DIS3L2: variants seen among roughly 807,000 people sequenced by gnomAD.
The protein encoded by DIS3L2 is DIS3 like 3'-5' exoribonuclease 2, also known as DIS3-like exonuclease 2.
DIS3L2 carries 34 observed loss-of-function variants against 97.5 expected under a neutral mutation model. The ratio of observed to expected loss-of-function variants is 0.35; its 90% confidence interval spans 0.27 to 0.46. The LOEUF is 0.46. DIS3L2 is among the 20% of genes least tolerant of loss of function. DIS3L2 has a pLI of 1.00. For synonymous variants in DIS3L2, 435 were observed against 445.2 expected, an observed-to-expected ratio of 0.98 and a Z score of 0.29; for missense variants, 1,038 against 1,146.0, an observed-to-expected ratio of 0.91 and a Z score of 1.36.
chr2:232,163,337 T>C, intron 8 of DIS3L2, 122 bp from the exon 9 acceptor site: 1 of 915,824 alleles, frequency 1.1e-6, no homozygotes, highest in Non-Finnish European at 1.6e-6. Context: ...ATGATCATGT[T>C]TCTACTGGTG....
chr2:232,076,262 AT>A (rs1385375809), intron 5 of DIS3L2, among the ~76,000 whole-genome samples: 4 of 151,834 alleles, frequency 2.6e-5, no homozygotes, highest in Non-Finnish European at 2.9e-5. Flanking sequence ...CCTCTTTTTC[AT>A]GTGTACCTGT....
At chr2:232,327,518 T>C (rs1190260496) in intron 14 of DIS3L2, among the ~76,000 whole-genome samples, 1 of 152,220 alleles carries the variant, frequency 6.6e-6, no homozygotes, top group Non-Finnish European at 1.5e-5. Flanking sequence ...GCATCTGAAG[T>C]ATTTCCGTGC....
rs755784146 is a variant in DIS3L2, at chr2:232,086,601, ATG to A, written c.367-874_367-873del. On this transcript the variant is annotated intron_variant, in intron 5 of 20. Coordinates refer to ENST00000325385, the MANE Select transcript of DIS3L2 (RefSeq NM_152383.5). ...TGAGCCTTTAAATATATATATATAT[ATG>A]TGTGTGTGTGTATATATATATATAT... 3.8e-3 allele frequency among the ~76,000 whole-genome samples: 434 copies of A among 115,204 alleles called. 28 individuals are homozygous for A. The highest frequency in any genetic ancestry group is 5.6e-3 in the Non-Finnish European group (323 of 57,248). 75.6% of individuals were successfully genotyped at this position (115,204 alleles called of 152,430 possible).
At chr2:232,170,156 C>T (rs998924532) in intron 9 of DIS3L2, among the ~76,000 whole-genome samples, 6 of 152,104 alleles carry the variant, frequency 3.9e-5, no homozygotes, top group Admixed American at 3.9e-4. Context: ...GATAATATGT[C>T]CAAGGAAACT....
At chr2:232,148,342 C>G (rs1011030069) in intron 8 of DIS3L2, among the ~76,000 whole-genome samples, 1 of 152,068 alleles carries the variant, frequency 6.6e-6, no homozygotes, top group Non-Finnish European at 1.5e-5. Context: ...CCACCGCACC[C>G]GGCCAAGATA....
chr2:232,315,081 A>G (rs1695232510), intron 14 of DIS3L2, among the ~76,000 whole-genome samples: 1 of 152,020 alleles, frequency 6.6e-6, no homozygotes, highest in Non-Finnish European at 1.5e-5. Flanking sequence ...CGGTCTTTAA[A>G]CCCAAGGAGG....
intron 9 of DIS3L2, among the ~76,000 whole-genome samples, chr2:232,195,157 A>G (rs190119196): frequency 9.2e-5 from 14 of 152,308 alleles, no homozygotes; most frequent in African/African-American, 3.1e-4. Flanking sequence ...GGACATTCAT[A>G]CTTTCTTCTG....
chr2:232,261,102 C>T lies in DIS3L2; in HGVS notation c.1426-2105C>T, dbSNP rs11693930. Among the ~76,000 whole-genome samples the T allele has an allele frequency of 2.8e-3, 429 of 152,312 alleles. 1 individual carries two copies. The highest frequency in any genetic ancestry group is 4.7e-3 in the Non-Finnish European group (317 of 68,028). On this transcript the variant is annotated intron_variant, in intron 12 of 20. Coordinates refer to ENST00000325385, the MANE Select transcript of DIS3L2 (RefSeq NM_152383.5). ...TTCTCCTCAGGCCCTCAAACTCCAC[C>T]TAGCCTCCTTTGTACTTTGCCTCAT...
At chr2:232,111,001 G>A (rs911097084) in intron 6 of DIS3L2, among the ~76,000 whole-genome samples, 6 of 152,118 alleles carry the variant, frequency 3.9e-5, no homozygotes, top group Non-Finnish European at 7.3e-5. Context: ...GACTTTGCCT[G>A]CTGGCCAGAA....
chr2:232,073,075 A>G (rs1456955073), intron 5 of DIS3L2, among the ~76,000 whole-genome samples: 1 of 152,208 alleles, frequency 6.6e-6, no homozygotes, highest in Non-Finnish European at 1.5e-5. Context: ...GTTAAATTTT[A>G]TAATGAAAAG....
At chr2:231,998,071 C>G (rs1291054560) in intron 1 of DIS3L2, among the ~76,000 whole-genome samples, 1 of 152,194 alleles carries the variant, frequency 6.6e-6, no homozygotes, top group Admixed American at 6.5e-5. Flanking sequence ...AGTTATACAA[C>G]AGGGACAGTT....
At chr2:232,099,249 T>C (rs2106321797) in intron 6 of DIS3L2, among the ~76,000 whole-genome samples, 1 of 152,140 alleles carries the variant, frequency 6.6e-6, no homozygotes, top group East Asian at 1.9e-4. Context: ...AGAGTCTAGC[T>C]GTGTTGCCCA....
intron 10 of DIS3L2, among the ~76,000 whole-genome samples, chr2:232,215,831 A>G (rs1174841184): frequency 6.6e-6 from 1 of 152,154 alleles, no homozygotes; most frequent in Non-Finnish European, 1.5e-5. Flanking sequence ...AAGTCACTGG[A>G]CCTGCTACTG....
chr2:232,230,914 A>AC (rs992462340), intron 10 of DIS3L2, among the ~76,000 whole-genome samples: 2 of 149,962 alleles, frequency 1.3e-5, no homozygotes, highest in East Asian at 2.0e-4. Context: ...GCTTGCGCCC[A>AC]CCCCCCATCC....
chr2:232,044,114 G>GGGTGGT (rs1314100840), intron 5 of DIS3L2, among the ~76,000 whole-genome samples: 1 of 147,784 alleles, frequency 6.8e-6, no homozygotes, highest in East Asian at 2.0e-4. Context: ...GGAGAGGCAG[G>GGGTGGT]GGTGGTGGTG....
At chr2:232,265,553 T>TA (rs1301604049) in intron 13 of DIS3L2, among the ~76,000 whole-genome samples, 2 of 152,320 alleles carry the variant, frequency 1.3e-5, no homozygotes, top group African/African-American at 2.4e-5. Context: ...AGGGGAGTGG[T>TA]ATGTGTATTC....
chr2:232,148,077 G>A (rs1332962125), intron 8 of DIS3L2, among the ~76,000 whole-genome samples: 2 of 142,040 alleles, frequency 1.4e-5, no homozygotes. Flanking sequence ...TTTTGACGGA[G>A]TCTCACTGTG....
At chr2:232,084,808 A>AAAAAAT (rs200050718) in intron 5 of DIS3L2, among the ~76,000 whole-genome samples, 1 of 151,714 alleles carries the variant, frequency 6.6e-6, no homozygotes, top group African/African-American at 2.4e-5. Flanking sequence ...TCAAAAAAAA[A>AAAAAAT]AAAGCATTGT....
rs1692899564 is a variant in DIS3L2, at chr2:232,235,189, C to T, written c.1205-3344C>T. Among the ~76,000 whole-genome samples, 3 of 152,228 alleles carry T rather than the reference C, an allele frequency of 2.0e-5. No individual in the cohort carries two copies. In the South Asian group the frequency reaches 6.2e-4, roughly 31 times the overall value. On this transcript the variant is annotated intron_variant, in intron 10 of 20. Coordinates refer to ENST00000325385, the MANE Select transcript of DIS3L2 (RefSeq NM_152383.5). ...CTCTGCTCTAAATGCTCTTTAAACA[C>T]ACAGGCTCACCTACTCCCTGGCAGA...
Sources: gnomAD v4.1 joint callset for allele counts (sites outside exome capture counted in the v4.1 genomes callset) on GRCh38, gnomAD v4.1.1 for gene constraint, MANE v1.5 for transcripts, NCBI Gene and HGNC (gene_info 2026-07-23, HGNC 2026-07-21) for gene names.